The following STAG1 variants were observed in gnomAD, a reference collection of about 807,000 sequenced individuals.
The protein encoded by STAG1 is cohesin subunit SA-1.
Under a neutral mutation model 170.9 loss-of-function variants are expected in STAG1, and 26 were observed. That is an observed-to-expected ratio of 0.15 (90% CI 0.11 to 0.21). The LOEUF (loss-of-function observed/expected upper bound fraction) is 0.21. STAG1 is among the 10% of genes least tolerant of loss of function. The probability of loss-of-function intolerance (pLI) is 1.00; values close to 1 mark genes in which losing one functional copy is unlikely to be tolerated. For missense variants in STAG1, 964 were observed against 1,509.5 expected, an observed-to-expected ratio of 0.64 and a Z score of 5.99; for synonymous variants, 514 against 497.7, an observed-to-expected ratio of 1.03 and a Z score of -0.44.
intron 22 of STAG1, among the ~76,000 whole-genome samples, chr3:136,381,069 T>C (rs1196732120): frequency 7.0e-6 from 1 of 142,838 alleles, no homozygotes; most frequent in Non-Finnish European, 1.5e-5. Flanking sequence ...TAGGAACAAA[T>C]GCAGTTAGTA....
At position 136,431,635 on chromosome 3, in the gene STAG1, T is replaced by C. The variant is rs546959666; in HGVS notation, c.1650+1921A>G. The stretch of plus-strand genomic sequence containing the variant: ...AACACATTCTCCAAATTTTTCCTTT[T>C]TGTTTCTCTGGTAATGGTTTTTTAC... On this transcript the variant is annotated intron_variant, in intron 16 of 33. Transcript: ENST00000383202. Among the ~76,000 whole-genome samples the C allele has an allele frequency of 3.9e-5, 6 of 152,336 alleles. No individual in the cohort carries two copies. In the East Asian group the frequency reaches 1.2e-3, roughly 29 times the overall value.
intron 21 of STAG1, among the ~76,000 whole-genome samples, chr3:136,413,453 T>C (rs1294154251): frequency 6.7e-6 from 1 of 149,686 alleles, no homozygotes; most frequent in African/African-American, 2.5e-5. Context: ...ATCTGCCACA[T>C]ATTATTATTA....
intron 1 of STAG1, among the ~76,000 whole-genome samples, chr3:136,718,459 T>C (rs151153041): frequency 3.8e-4 from 58 of 152,306 alleles, no homozygotes; most frequent in Non-Finnish European, 6.3e-4. Flanking sequence ...CTGGTAGAAA[T>C]CTAGGTTTTA....
chr3:136,651,173 T>C (rs1941204604), intron 1 of STAG1, among the ~76,000 whole-genome samples: 1 of 152,076 alleles, frequency 6.6e-6, no homozygotes. Context: ...AAGACCAGCA[T>C]GGGCAACGCA....
chr3:136,508,491 C>A (rs575767178), intron 7 of STAG1, among the ~76,000 whole-genome samples: 7 of 152,108 alleles, frequency 4.6e-5, no homozygotes, highest in Non-Finnish European at 7.4e-5. Flanking sequence ...AGTTCAAGAC[C>A]AGCCTGGGTA....
chr3:136,583,897 G>A (rs1391321399), intron 4 of STAG1, among the ~76,000 whole-genome samples: 2 of 152,176 alleles, frequency 1.3e-5, no homozygotes, highest in Non-Finnish European at 2.9e-5. Context: ...ACTTGCCCAA[G>A]ACCGTCCCAG....
chr3:136,603,793 A>T (rs748603094), intron 4 of STAG1, among the ~76,000 whole-genome samples: 9 of 152,232 alleles, frequency 5.9e-5, no homozygotes, highest in Admixed American at 2.0e-4. Flanking sequence ...AGGCTGAGGC[A>T]GGGGAATGGC....
At chr3:136,680,567 AC>A (rs750462400) in intron 1 of STAG1, among the ~76,000 whole-genome samples, 17 of 152,016 alleles carry the variant, frequency 1.1e-4, no homozygotes, top group Non-Finnish European at 2.5e-4. Flanking sequence ...AAAGTTGAAA[AC>A]CAAGTCAAAA....
In STAG1 at chr3:136,359,180, A is replaced by T; in HGVS notation, c.2904T>A (p.Ile968=). Residue 968 remains isoleucine, a synonymous_variant, in exon 27 of 34, where the codon ATT becomes ATA. Coordinates refer to ENST00000383202, the MANE Select transcript of STAG1 (RefSeq NM_005862.3). ...GTGTGGCAACTGCTTCTCGTGTCTT[A>T]ATCTGGTCCAATCCAAATGTAAGGG... The part of the protein sequence containing the change: ...RFALTFGLDQ[I]KTREAVATLH... The T allele has an allele frequency of 4.3e-6, 7 of 1,613,380 alleles. No individual in the cohort carries two copies. The highest frequency in any genetic ancestry group is 5.9e-6 in the Non-Finnish European group (7 of 1,179,642).
chr3:136,364,567 T>C (rs1937003115), intron 25 of STAG1, among the ~76,000 whole-genome samples: 1 of 152,170 alleles, frequency 6.6e-6, no homozygotes, highest in African/African-American at 2.4e-5. Flanking sequence ...ATTTAATACT[T>C]TGTGCACTAT....
chr3:136,368,166 T>C (rs1158934864), intron 24 of STAG1, among the ~76,000 whole-genome samples: 1 of 152,124 alleles, frequency 6.6e-6, no homozygotes, highest in African/African-American at 2.4e-5. Flanking sequence ...TAAATAAACA[T>C]ACTGTTTCAC....
chr3:136,700,876 CTTTTTT>C (rs35459362), intron 1 of STAG1, among the ~76,000 whole-genome samples: 28 of 78,340 alleles, frequency 3.6e-4, no homozygotes, highest in Non-Finnish European at 4.6e-4. Context: ...TATTTTTTTT[CTTTTTT>C]TTTTTTTTTT....
chr3:136,638,641 G>A (rs1027857556), intron 1 of STAG1, among the ~76,000 whole-genome samples: 9 of 152,050 alleles, frequency 5.9e-5, no homozygotes, highest in African/African-American at 9.7e-5. Flanking sequence ...GGTAGCTCGC[G>A]CCTGAAATCC....
At chr3:136,705,372 TCATCAAA>T (rs1943198462) in intron 1 of STAG1, among the ~76,000 whole-genome samples, 1 of 131,898 alleles carries the variant, frequency 7.6e-6, no homozygotes, top group Non-Finnish European at 1.5e-5. Context: ...TATCACATGA[TCATCAAA>T]CACACACACA....
At chr3:136,725,979 T>C (rs566936706) in intron 1 of STAG1, among the ~76,000 whole-genome samples, 2 of 152,282 alleles carry the variant, frequency 1.3e-5, no homozygotes, top group South Asian at 2.1e-4. Flanking sequence ...CCAATACACA[T>C]ACAGAATAAG....
intron 1 of STAG1, among the ~76,000 whole-genome samples, chr3:136,671,718 C>T (rs932902882): frequency 6.6e-6 from 1 of 151,996 alleles, no homozygotes; most frequent in Admixed American, 6.6e-5. Flanking sequence ...TGGTGAAACC[C>T]CATTTCTACA....
chr3:136,357,669 T>C, intron 28 of STAG1, 51 bp downstream of exon 28: 2 of 1,468,512 alleles, frequency 1.4e-6, no homozygotes, highest in Non-Finnish European at 1.8e-6. Context: ...AAAATAAACA[T>C]TTACAACAGT....
chr3:136,725,088 C>A (rs1216037455), intron 1 of STAG1, among the ~76,000 whole-genome samples: 1 of 152,134 alleles, frequency 6.6e-6, no homozygotes, highest in Non-Finnish European at 1.5e-5. Context: ...ATTATAATTG[C>A]AAATCTAGAT....
Position 136,551,198 on chromosome 3 carries a change from TGAGAGAGAGTGAGA to T in STAG1, c.395-9017_395-9004del, listed in dbSNP as rs1329838097. Among the ~76,000 whole-genome samples the T allele has an allele frequency of 2.2e-3, 93 of 43,128 alleles. 3 individuals carry two copies. Among genetic ancestry groups the T allele is most frequent in the African/African-American group, 9.8e-3 (84 of 8,530 alleles). 28.3% of individuals were successfully genotyped at this position (43,128 alleles called of 152,430 possible). A position where few individuals can be genotyped will look rare whatever the true frequency, so the allele number is the denominator to read the frequency against. On this transcript the variant is annotated intron_variant, in intron 5 of 33. Transcript: ENST00000383202. ...TTTTTTTTGAGAGAGAGAGAGAGGT[TGAGAGAGAGTGAGA>T]GAGAGAGAGAGAGAGAGAGAGAGAG... is the stretch of plus-strand genomic sequence containing the variant.
Sources: allele counts gnomAD v4.1 joint callset (sites outside exome capture counted in the v4.1 genomes callset), GRCh38; gene constraint gnomAD v4.1.1; transcripts MANE v1.5; gene names NCBI Gene and HGNC (gene_info 2026-07-23, HGNC 2026-07-21).